The following GRM1 variants were observed in gnomAD, a reference collection of about 807,000 sequenced individuals.
GRM1 encodes the protein metabotropic glutamate receptor 1.
GRM1 carries 33 observed loss-of-function variants against 90.9 expected under a neutral mutation model. The observed-to-expected ratio is 0.36, with a 90% CI of 0.28 to 0.49. The LOEUF (loss-of-function observed/expected upper bound fraction) is 0.49, where lower values mean the gene tolerates loss of function less well. Among genes scored for constraint, GRM1 ranks in the 20% least tolerant of loss-of-function variants. GRM1 has a pLI of 0.99. For synonymous variants in GRM1, 700 were observed against 613.2 expected (o/e 1.14, Z -2.09); for missense variants, 1,190 against 1,534.3 (o/e 0.78, Z 3.75).
At chr6:146,335,507 C>T (rs892335535) in intron 3 of GRM1, among the ~76,000 whole-genome samples, 2 of 152,158 alleles carry the variant, frequency 1.3e-5, no homozygotes, top group Non-Finnish European at 2.9e-5. Context: ...GCTAAATACA[C>T]ATTCAGTCTC....
At chr6:146,392,633 C>T (rs1194850707) in intron 6 of GRM1, among the ~76,000 whole-genome samples, 1 of 152,122 alleles carries the variant, frequency 6.6e-6, no homozygotes, top group East Asian at 1.9e-4. Context: ...TTTGCTGCAC[C>T]CATCAACCCG....
chr6:146,270,595 G>A (rs1562570755), intron 2 of GRM1, among the ~76,000 whole-genome samples: 1 of 152,242 alleles, frequency 6.6e-6, no homozygotes, highest in East Asian at 1.9e-4. Context: ...CCCAACCCAA[G>A]GTTTGAATTC....
At chr6:146,101,061 C>G (rs748427983) in intron 1 of GRM1, among the ~76,000 whole-genome samples, 21 of 152,092 alleles carry the variant, frequency 1.4e-4, no homozygotes, top group Non-Finnish European at 2.8e-4. Context: ...CCACTGCCTT[C>G]TAGCCTGAAT....
At chr6:146,034,891 T>G (rs1261886138) in intron 1 of GRM1, among the ~76,000 whole-genome samples, 1 of 152,038 alleles carries the variant, frequency 6.6e-6, no homozygotes, top group African/African-American at 2.4e-5. Flanking sequence ...AATAACAATT[T>G]TGAAGACTTA....
At chr6:146,366,558 CT>C (rs1452937168) in intron 5 of GRM1, among the ~76,000 whole-genome samples, 1 of 152,128 alleles carries the variant, frequency 6.6e-6, no homozygotes, top group Non-Finnish European at 1.5e-5. Flanking sequence ...ATGAGACCAA[CT>C]TTTAAAACTC....
intron 2 of GRM1, among the ~76,000 whole-genome samples, chr6:146,232,594 C>T (rs2114707454): frequency 6.6e-6 from 1 of 151,804 alleles, no homozygotes; most frequent in East Asian, 1.9e-4. Flanking sequence ...CTGTAGTCAC[C>T]CTGTTGTGTT....
chr6:146,309,784 G>C (rs1783713857), intron 3 of GRM1, among the ~76,000 whole-genome samples: 1 of 151,886 alleles, frequency 6.6e-6, no homozygotes, highest in Non-Finnish European at 1.5e-5. Flanking sequence ...CTTTACAGTA[G>C]ATTCCTAAAT....
At chr6:146,047,445 T>C (rs1433417477) in intron 1 of GRM1, among the ~76,000 whole-genome samples, 1 of 151,920 alleles carries the variant, frequency 6.6e-6, no homozygotes, top group Non-Finnish European at 1.5e-5. Flanking sequence ...ACAGGCAAAC[T>C]TATTGCAATG....
intron 1 of GRM1, among the ~76,000 whole-genome samples, chr6:146,108,112 A>T (rs1775396642): frequency 6.6e-6 from 1 of 152,232 alleles, no homozygotes; most frequent in South Asian, 2.1e-4. Context: ...AAGTTTTACA[A>T]ATGTGAAAAT....
intron 2 of GRM1, among the ~76,000 whole-genome samples, chr6:146,230,716 A>G (rs2114702665): frequency 6.6e-6 from 1 of 152,312 alleles, no homozygotes; most frequent in South Asian, 2.1e-4. Flanking sequence ...CTGCATATGG[A>G]AGTTTATAGC....
intron 7 of GRM1, among the ~76,000 whole-genome samples, chr6:146,416,654 G>T (rs570973726): frequency 6.6e-6 from 1 of 152,050 alleles, no homozygotes; most frequent in Non-Finnish European, 1.5e-5. Context: ...TTATAATCCA[G>T]TTACGGACTG....
At chr6:146,179,585 C>A (rs980490687) in intron 2 of GRM1, among the ~76,000 whole-genome samples, 15 of 152,194 alleles carry the variant, frequency 9.9e-5, no homozygotes, top group Non-Finnish European at 1.6e-4. Flanking sequence ...GCGATCTTGG[C>A]TCACTGCAAG....
intron 2 of GRM1, among the ~76,000 whole-genome samples, chr6:146,168,154 G>A (rs1380320165): frequency 2.0e-5 from 3 of 151,728 alleles, no homozygotes; most frequent in Admixed American, 1.3e-4. Context: ...TTGACATTTT[G>A]TTAAAAATAA....
At chr6:146,271,878 A>G (rs1225686957) in intron 2 of GRM1, among the ~76,000 whole-genome samples, 1 of 152,202 alleles carries the variant, frequency 6.6e-6, no homozygotes, top group Non-Finnish European at 1.5e-5. Context: ...AACATAATTT[A>G]TTATCTCTAA....
chr6:146,257,260 A>G (rs1482430936), intron 2 of GRM1, among the ~76,000 whole-genome samples: 3 of 152,176 alleles, frequency 2.0e-5, no homozygotes, highest in African/African-American at 7.2e-5. Flanking sequence ...ACCTTATACA[A>G]TCAGATCATA....
chr6:146,434,281 C>G lies in GRM1; in HGVS notation c.3070C>G (p.Pro1024Ala). The change falls in exon 8 of 8, where the codon CCT becomes GCT. Residue 1024 changes from proline to alanine, a missense_variant. Pro to Ala is a conservative substitution (Grantham distance 27). Coordinates refer to ENST00000282753, the MANE Select transcript of GRM1 (RefSeq NM_001278064.2). ...TCCTCTCCAGCAGCAGCAGCAACCC[C>G]CTCCACAGCAGAAATCGCTGATGGA... is the stretch of plus-strand genomic sequence containing the variant. ...PPPLQQQQQP[P>A]PQQKSLMDQL... 1 of 1,602,370 alleles carries G rather than the reference C, an allele frequency of 6.2e-7. No individual in the cohort carries two copies. Among genetic ancestry groups the G allele is most frequent in the Non-Finnish European group, 8.5e-7 (1 of 1,172,444 alleles).
At chr6:146,387,125 A>G (rs1366036881) in intron 6 of GRM1, 109 bp downstream of exon 6, 3 of 1,062,188 alleles carry the variant, frequency 2.8e-6, no homozygotes, top group Non-Finnish European at 4.4e-6. Flanking sequence ...TTAATTTACA[A>G]TGCACACTTT....
At chr6:146,194,568 C>G (rs1387396842) in intron 2 of GRM1, among the ~76,000 whole-genome samples, 1 of 152,208 alleles carries the variant, frequency 6.6e-6, no homozygotes, top group Non-Finnish European at 1.5e-5. Context: ...GGAAGCAGCA[C>G]TCCCACTATT....
chr6:146,051,712 G>T (rs1205064445), intron 1 of GRM1, among the ~76,000 whole-genome samples: 1 of 152,034 alleles, frequency 6.6e-6, no homozygotes, highest in Admixed American at 6.6e-5. Context: ...AGACATCAAA[G>T]GTTATTCCTA....
Sources: allele counts gnomAD v4.1 joint callset (sites outside exome capture counted in the v4.1 genomes callset), GRCh38; gene constraint gnomAD v4.1.1; transcripts MANE v1.5; gene names NCBI Gene and HGNC (gene_info 2026-07-23, HGNC 2026-07-21).